Variants in NLK observed in about 807,000 individuals in gnomAD.
NLK encodes nemo like kinase.
A neutral mutation model predicts 59.0 loss-of-function variants in NLK; 11 were observed. That is an observed-to-expected ratio of 0.19 (90% confidence interval 0.12 to 0.31). NLK has a LOEUF of 0.31. NLK is among the 10% of genes least tolerant of loss of function. The pLI, the probability that NLK is intolerant of heterozygous loss-of-function variation, is 1.00. For missense variants in NLK, 410 were observed against 661.1 expected, an observed-to-expected ratio of 0.62 and a Z score of 4.16; for synonymous variants, 235 against 235.9, an observed-to-expected ratio of 1.00 and a Z score of 0.03.
intron 1 of NLK, among the ~76,000 whole-genome samples, chr17:28,104,995 T>C (rs1905028482): frequency 6.6e-6 from 1 of 152,220 alleles, no homozygotes; most frequent in Admixed American, 6.5e-5. Context: ...TTTAGTTCTT[T>C]TTGACTCCCG....
intron 1 of NLK, among the ~76,000 whole-genome samples, chr17:28,078,161 CAT>C (rs985433385): frequency 2.0e-5 from 3 of 152,028 alleles, no homozygotes; most frequent in Non-Finnish European, 2.9e-5. Flanking sequence ...TCCCAGAAAA[CAT>C]ATGTGATTAT....
chr17:28,158,271 C>G (rs1907865555), intron 3 of NLK, among the ~76,000 whole-genome samples: 1 of 152,072 alleles, frequency 6.6e-6, no homozygotes, highest in Non-Finnish European at 1.5e-5. Flanking sequence ...ATTTGTATAT[C>G]TAAACGTATC....
intron 7 of NLK, among the ~76,000 whole-genome samples, chr17:28,178,049 G>C (rs1177749532): frequency 1.3e-5 from 2 of 152,310 alleles, no homozygotes; most frequent in East Asian, 3.9e-4. Flanking sequence ...GCAAACTCCT[G>C]CTCATATGTC....
intron 2 of NLK, among the ~76,000 whole-genome samples, chr17:28,129,696 T>G (rs1906440287): frequency 6.6e-6 from 1 of 152,050 alleles, no homozygotes; most frequent in Non-Finnish European, 1.5e-5. Context: ...GTTCCTTATA[T>G]TCTTATTCTT....
At chr17:28,086,781 C>G (rs539897507) in intron 1 of NLK, among the ~76,000 whole-genome samples, 1 of 151,416 alleles carries the variant, frequency 6.6e-6, no homozygotes, top group Non-Finnish European at 1.5e-5. Context: ...GCCTATAATC[C>G]CAGCACTTTG....
intron 2 of NLK, among the ~76,000 whole-genome samples, chr17:28,126,738 C>G (rs762726001): frequency 1.3e-5 from 2 of 152,122 alleles, no homozygotes; most frequent in Non-Finnish European, 2.9e-5. Flanking sequence ...TTAACACATT[C>G]ACCTTGATGA....
intron 7 of NLK, among the ~76,000 whole-genome samples, chr17:28,175,549 G>C (rs1908646979): frequency 6.6e-6 from 1 of 152,090 alleles, no homozygotes; most frequent in East Asian, 1.9e-4. Context: ...TTTTCAGACA[G>C]ATTGAGTATG....
intron 1 of NLK, among the ~76,000 whole-genome samples, chr17:28,061,783 T>C (rs1909648895): frequency 6.8e-6 from 1 of 146,388 alleles, no homozygotes; most frequent in Non-Finnish European, 1.5e-5. Context: ...TACATATACA[T>C]ATATAATATA....
At chr17:28,109,991 G>C (rs995090502) in intron 1 of NLK, among the ~76,000 whole-genome samples, 5 of 152,124 alleles carry the variant, frequency 3.3e-5, no homozygotes, top group African/African-American at 1.2e-4. Context: ...GAATCTATAA[G>C]TCACTAAGAG....
Position 28,072,395 on chromosome 17 carries a change from G to A in NLK, c.458+29064G>A, listed in dbSNP as rs943605942. ...GGCTGGAGTGCAGATGTGCGGTTAC[G>A]GCTCACTGCAGCCTCCACCTGCTGT... is the stretch of plus-strand genomic sequence containing the variant. On this transcript the variant is annotated intron_variant, in intron 1 of 10. Transcript: ENST00000407008. Among the ~76,000 whole-genome samples, 20 of 147,910 alleles carry A rather than the reference G, an allele frequency of 1.4e-4. No individual in the cohort carries two copies. The East Asian group carries it at 2.0e-3, about 15-fold the overall frequency.
intron 1 of NLK, among the ~76,000 whole-genome samples, chr17:28,055,185 C>T (rs991420761): frequency 8.0e-5 from 12 of 150,542 alleles, no homozygotes; most frequent in Non-Finnish European, 1.5e-4. Flanking sequence ...CTCTGCCTCT[C>T]GGGTTCAAGC....
At chr17:28,064,996 A>G (rs1195062406) in intron 1 of NLK, among the ~76,000 whole-genome samples, 2 of 152,234 alleles carry the variant, frequency 1.3e-5, no homozygotes, top group African/African-American at 4.8e-5. Context: ...AAAAACAGTG[A>G]TTAATTAGAA....
intron 1 of NLK, among the ~76,000 whole-genome samples, chr17:28,081,201 T>G (rs1369834468): frequency 2.0e-5 from 3 of 151,984 alleles, no homozygotes; most frequent in Admixed American, 2.0e-4. Context: ...AGACCTGGTT[T>G]GTTTTTGTTG....
Position 28,146,573 on chromosome 17 carries a change from T to A in NLK, c.644+13898T>A, listed in dbSNP as rs955952791. ...AGAAGTTATTTAACTTGCCTAATGT[T>A]ATCAAGCTACTAAGTGGCAGAGTCA... On this transcript the variant is annotated intron_variant, in intron 3 of 10. Transcript: ENST00000407008. Among the ~76,000 whole-genome samples the A allele has an allele frequency of 9.8e-5, 15 of 152,332 alleles. No individual in the cohort carries two copies. The South Asian group carries it at 3.1e-3, about 32-fold the overall frequency.
intron 1 of NLK, among the ~76,000 whole-genome samples, chr17:28,104,376 C>T (rs535970299): frequency 6.6e-6 from 1 of 152,192 alleles, no homozygotes; most frequent in African/African-American, 2.4e-5. Flanking sequence ...CTTCCTTAGC[C>T]TCCTGAGTAG....
intron 1 of NLK, among the ~76,000 whole-genome samples, chr17:28,051,198 G>A (rs1237399275): frequency 6.6e-6 from 1 of 151,904 alleles, no homozygotes; most frequent in Admixed American, 6.6e-5. Flanking sequence ...GTGTTTGATT[G>A]ATTCTAAAGA....
At chr17:28,176,039 A>G (rs1318707572) in intron 7 of NLK, among the ~76,000 whole-genome samples, 3 of 152,198 alleles carry the variant, frequency 2.0e-5, no homozygotes, top group Admixed American at 1.3e-4. Flanking sequence ...ATTTGGGGTG[A>G]ATTTCTTTTA....
intron 3 of NLK, among the ~76,000 whole-genome samples, chr17:28,149,252 C>T (rs1009199921): frequency 1.3e-5 from 2 of 152,088 alleles, no homozygotes; most frequent in Admixed American, 6.6e-5. Flanking sequence ...TTTGTAGAGA[C>T]GGGATCTCTT....
chr17:28,139,622 C>T (rs138593236), intron 3 of NLK, among the ~76,000 whole-genome samples: 1 of 152,226 alleles, frequency 6.6e-6, no homozygotes, highest in East Asian at 1.9e-4. Flanking sequence ...ATGCATTGTT[C>T]ATTTATTTAA....
Sources: allele counts gnomAD v4.1 joint callset (sites outside exome capture counted in the v4.1 genomes callset), GRCh38; gene constraint gnomAD v4.1.1; transcripts MANE v1.5; gene names NCBI Gene and HGNC (gene_info 2026-07-23, HGNC 2026-07-21).